Variants in GUCY2C observed in about 807,000 individuals in gnomAD.
GUCY2C encodes guanylyl cyclase C.
GUCY2C carries 118 observed loss-of-function variants against 131.1 expected under a neutral mutation model. That is an observed-to-expected ratio of 0.90 (90% confidence interval 0.78 to 1.05). The LOEUF is 1.05. Among genes scored for constraint, GUCY2C ranks in the 50% least tolerant of loss-of-function variants. GUCY2C has a pLI of 0.00. For missense variants in GUCY2C, 1,161 were observed against 1,304.4 expected (o/e 0.89, Z 1.69); for synonymous variants, 452 against 457.8 (o/e 0.99, Z 0.16).
intron 7 of GUCY2C, among the ~76,000 whole-genome samples, chr12:14,676,317 A>T (rs938865556): frequency 6.6e-5 from 10 of 152,244 alleles, no homozygotes; most frequent in Admixed American, 6.5e-4. Flanking sequence ...ACCAGATGGC[A>T]TAATGGAATA....
At chr12:14,622,342 TTG>T in intron 21 of GUCY2C, 145 bp from the exon 22 acceptor site, 1 of 566,328 alleles carries the variant, frequency 1.8e-6, no homozygotes. Context: ...GAAACAGAGG[TTG>T]TGTATATCAT....
chr12:14,657,277 T>G (rs1426313013), intron 11 of GUCY2C, among the ~76,000 whole-genome samples: 1 of 152,182 alleles, frequency 6.6e-6, no homozygotes, highest in Admixed American at 6.5e-5. Context: ...TTGGTGACAT[T>G]GAGAGGCAAA....
At chr12:14,636,034 G>C (rs944610276) in intron 19 of GUCY2C, among the ~76,000 whole-genome samples, 1 of 152,076 alleles carries the variant, frequency 6.6e-6, no homozygotes, top group African/African-American at 2.4e-5. Flanking sequence ...AACTTCCAAA[G>C]AAGAACTAAC....
intron 10 of GUCY2C, among the ~76,000 whole-genome samples, chr12:14,667,292 A>G (rs1398074533): frequency 6.6e-6 from 1 of 152,246 alleles, no homozygotes; most frequent in Non-Finnish European, 1.5e-5. Flanking sequence ...GAAAAGAGAT[A>G]TATTTCAGAA....
rs984469866 is a variant in GUCY2C at position 14,613,184 on chromosome 12, C to T, written c.3155G>A (p.Ser1052Asn). 5.0e-6 allele frequency: 8 copies of T among 1,613,528 alleles called. No individual in the cohort carries two copies. Among genetic ancestry groups the T allele is most frequent in the Non-Finnish European group, 6.8e-6 (8 of 1,179,572 alleles). Residue 1052 changes from serine to asparagine, a missense_variant, in exon 27 of 27, where the codon AGC becomes AAC. Physicochemically the swap from Ser to Asn is conservative, Grantham distance 46. Coordinates refer to ENST00000261170, the MANE Select transcript of GUCY2C (RefSeq NM_004963.4). This position sits in a 1 kb window ranked among gnomAD's most constrained non-coding sequence, Gnocchi z 4.9. ...GTATTCCAGAGTGCCTTTTTTATAG[C>T]TGGCTACCCGTCTGGGTTTTTGGCT... ...IRSQKPRRVA[S>N]YKKGTLEYLQ...
At position 14,669,442 on chromosome 12, in the gene GUCY2C, T is replaced by C. The variant is rs7398315; in HGVS notation, c.1282+280A>G. ...TGTTGCCCAGGCTGGTCTGAAACTT[T>C]TAGGCTTAAGCAGTCTTCCTGCCTT... On this transcript the variant is annotated intron_variant, in intron 10 of 26. Transcript: ENST00000261170. Among the ~76,000 whole-genome samples, 148,030 of 152,042 alleles carry C rather than the reference T, an allele frequency of 0.97. 72,185 individuals carry two copies. Among genetic ancestry groups the C allele is most frequent in the Non-Finnish European group, 1 (67,958 of 68,002 alleles).
intron 25 of GUCY2C, among the ~76,000 whole-genome samples, chr12:14,616,303 G>T (rs938592482): frequency 6.6e-6 from 1 of 152,096 alleles, no homozygotes; most frequent in Admixed American, 6.6e-5. Flanking sequence ...GGAAGTAAGT[G>T]GGGGGACAAG....
At chr12:14,632,659 G>A (rs982284489) in intron 19 of GUCY2C, among the ~76,000 whole-genome samples, 3 of 152,148 alleles carry the variant, frequency 2.0e-5, no homozygotes, top group African/African-American at 7.2e-5. Flanking sequence ...TGTTCATTGA[G>A]CTTATAAAAA....
rs1947767061 is a variant in GUCY2C at position 14,656,558 on chromosome 12, T to G, written c.1424A>C (p.Asn475Thr). ...CTCATTGGTCTCCAGAGGAAAGATA[T>G]TTTCAGGAGGAATGTGGGACCATTT... is the stretch of plus-strand genomic sequence containing the variant. The part of the protein sequence containing the change: ...QKKWSHIPPE[N>T]IFPLETNETN... The change falls in exon 12 of 27, where the codon AAT (asparagine) becomes ACT (threonine). Residue 475 changes from asparagine (N) to threonine (T), a missense_variant. By Grantham distance (65) the Asn-to-Thr change is moderately conservative (BLOSUM62 0). Coordinates refer to ENST00000261170, the MANE Select transcript of GUCY2C (RefSeq NM_004963.4). The G allele has an allele frequency of 6.2e-7, 1 of 1,605,284 alleles. No individual in the cohort carries two copies. The highest frequency in any genetic ancestry group is 8.5e-7 in the Non-Finnish European group (1 of 1,172,036).
chr12:14,692,666 G>T (rs1007630360), intron 1 of GUCY2C, among the ~76,000 whole-genome samples: 2 of 152,182 alleles, frequency 1.3e-5, no homozygotes, highest in African/African-American at 4.8e-5. Context: ...TGACCAACAT[G>T]AAGAAACCCC....
Position 14,628,638 on chromosome 12 carries a change from A to G in GUCY2C, c.2249+8T>C. The G allele has an allele frequency of 2.2e-6, 3 of 1,381,118 alleles. No individual in the cohort carries two copies. The highest frequency in any genetic ancestry group is 1.0e-6 in the Non-Finnish European group (1 of 967,544). The allele number at this position is 1,381,118 out of a possible 1,614,324, so 85.6% of individuals were successfully genotyped here. On this transcript the variant is annotated splice_region_variant and intron_variant, in intron 20 of 26. Coordinates refer to ENST00000261170, the MANE Select transcript of GUCY2C (RefSeq NM_004963.4). ...ATTAGTGAATAAAAGTAAACATTTCAGCAATACCCAAATATCTTGGCAAGT... is the reference window on the plus strand; with the variant it reads ...ATTAGTGAATAAAAGTAAACATTTCGGCAATACCCAAATATCTTGGCAAGT...
At chr12:14,665,574 A>T (rs946123247) in intron 10 of GUCY2C, 1 of 152,268 alleles carries the variant, frequency 6.6e-6, no homozygotes, top group African/African-American at 2.4e-5. Flanking sequence ...GATGGGTTGG[A>T]TGGAAGTGGG....
At chr12:14,626,048 ACTC>A in intron 20 of GUCY2C, 133 bp from the exon 21 acceptor site, 1 of 627,160 alleles carries the variant, frequency 1.6e-6, no homozygotes. Flanking sequence ...TAACAAAAAA[ACTC>A]AACCTCATCC....
intron 10 of GUCY2C, among the ~76,000 whole-genome samples, chr12:14,663,616 A>G (rs542459862): frequency 1.2e-4 from 19 of 152,266 alleles, no homozygotes; most frequent in Admixed American, 1.2e-3. Flanking sequence ...AATATAATTG[A>G]TGTAGGTGCC....
rs1295883685 is a variant in GUCY2C, at chr12:14,651,577, T to C, written c.1606-66A>G. On this transcript the variant is annotated intron_variant, in intron 14 of 26. Coordinates refer to ENST00000261170, the MANE Select transcript of GUCY2C (RefSeq NM_004963.4). ...TGGGGTGCCAAAGTAAAAATTAATA[T>C]GCCAATAAAATGTGTTTTGTTTCAG... 4.9e-6 allele frequency: 4 copies of C among 808,860 alleles called. No homozygotes were observed. In the African/African-American group the frequency reaches 6.8e-5, roughly 14 times the overall value. 50.1% of individuals were successfully genotyped at this position (808,860 alleles called of 1,614,324 possible).
chr12:14,669,210 C>CTT (rs200187697), intron 10 of GUCY2C, among the ~76,000 whole-genome samples: 71 of 139,238 alleles, frequency 5.1e-4, no homozygotes, highest in Middle Eastern at 3.6e-3. Context: ...TTTTCTTTTT[C>CTT]TTTTTTTTTT....
intron 11 of GUCY2C, among the ~76,000 whole-genome samples, chr12:14,658,809 CAGAGT>C (rs1395967711): frequency 6.6e-6 from 1 of 151,586 alleles, no homozygotes; most frequent in African/African-American, 2.4e-5. Flanking sequence ...TAAAACTCCA[CAGAGT>C]AAACTATGTC....
Position 14,695,496 on chromosome 12 carries a change from G to T in GUCY2C, c.217+736C>A, listed in dbSNP as rs370009984. 2.6e-5 allele frequency among the ~76,000 whole-genome samples: 4 copies of T among 151,870 alleles called. No individual in the cohort carries two copies. In the East Asian group the frequency reaches 5.8e-4, roughly 22 times the overall value. ...GGCACCTGTAGTCCCAGCTACTCGG[G>T]GGGCTGAGGCAGGAGAATGGCGTGA... is the stretch of plus-strand genomic sequence containing the variant. On this transcript the variant is annotated intron_variant, in intron 1 of 26. Coordinates refer to ENST00000261170, the MANE Select transcript of GUCY2C (RefSeq NM_004963.4).
intron 15 of GUCY2C, among the ~76,000 whole-genome samples, chr12:14,646,295 G>C (rs1383754946): frequency 2.0e-5 from 3 of 152,180 alleles, no homozygotes; most frequent in African/African-American, 7.2e-5. Context: ...AGCCCAGTTT[G>C]ATTTTTAGTT....
Sources: allele counts gnomAD v4.1 joint callset (sites outside exome capture counted in the v4.1 genomes callset), GRCh38; gene constraint gnomAD v4.1.1; non-coding constraint Gnocchi (gnomAD v3.1); transcripts MANE v1.5; gene names NCBI Gene and HGNC (gene_info 2026-07-23, HGNC 2026-07-21).